DIAPH2: variants seen among roughly 807,000 people sequenced by gnomAD.
DIAPH2 encodes the protein diaphanous related formin 2, also known as protein diaphanous homolog 2.
A neutral mutation model predicts 92.7 loss-of-function variants in DIAPH2; 35 were observed. That is an observed-to-expected ratio of 0.38 (90% CI 0.29 to 0.50). The LOEUF is 0.50. Ranked by LOEUF, DIAPH2 falls within the 20% of genes least tolerant of loss-of-function variation. The probability of loss-of-function intolerance (pLI) is 0.94; values close to 1 mark genes in which losing one functional copy is unlikely to be tolerated. For synonymous variants in DIAPH2, 301 were observed against 280.4 expected (o/e 1.07, Z -0.73); for missense variants, 701 against 819.5 (o/e 0.86, Z 1.77).
chrX:97,595,289 A>G lies in DIAPH2; in HGVS notation c.3242-3964A>G, dbSNP rs139333902. 9.7e-3 allele frequency among the ~76,000 whole-genome samples: 1,090 copies of G among 112,565 alleles called. 9 individuals carry two copies. The highest frequency in any genetic ancestry group is 0.034 in the African/African-American group (1,042 of 31,020). On this transcript the variant is annotated intron_variant, in intron 26 of 26. Transcript: ENST00000324765. ...TTGCATGAATGAATTCTGAAGCAAT[A>G]CTATAATGGGTTTAGTCCATTTACT... is the stretch of plus-strand genomic sequence containing the variant.
chrX:96,914,588 C>T (rs1421725459), intron 7 of DIAPH2, among the ~76,000 whole-genome samples: 1 of 110,363 alleles, frequency 9.1e-6, no homozygotes, highest in Non-Finnish European at 1.9e-5. Context: ...TGTCAATTGT[C>T]GTGGCTTTTC....
intron 17 of DIAPH2, among the ~76,000 whole-genome samples, chrX:97,031,060 A>G (rs982777927): frequency 2.7e-5 from 3 of 111,560 alleles, no homozygotes; most frequent in East Asian, 5.7e-4. Context: ...ATTAGTTGTT[A>G]CTTCTTTTAC....
chrX:97,514,349 T>G (rs1331138433), intron 26 of DIAPH2, among the ~76,000 whole-genome samples: 1 of 112,247 alleles, frequency 8.9e-6, no homozygotes, highest in African/African-American at 3.2e-5. Flanking sequence ...GAGCCTTGGT[T>G]TTCAGCTCCA....
chrX:97,183,009 C>T (rs957239775), intron 22 of DIAPH2, among the ~76,000 whole-genome samples: 1 of 111,511 alleles, frequency 9.0e-6, no homozygotes, highest in Admixed American at 9.6e-5. Context: ...GTGAATACCT[C>T]ATTTAAATAT....
At chrX:97,304,344 A>G (rs1487035219) in intron 23 of DIAPH2, among the ~76,000 whole-genome samples, 2 of 112,376 alleles carry the variant, frequency 1.8e-5, no homozygotes, top group African/African-American at 6.5e-5. Flanking sequence ...AACAACAGTA[A>G]TAGTTGATCT....
chrX:97,081,700 A>G (rs1286416465), intron 19 of DIAPH2: 1 of 109,954 alleles, frequency 9.1e-6, no homozygotes, highest in African/African-American at 3.3e-5. Context: ...CACGCCTGTA[A>G]TCCCAGCTAC....
At position 96,818,245 on chromosome X, in the gene DIAPH2, T is replaced by C. The variant is rs753125054; in HGVS notation, c.447+59987T>C. ...CAGCCCACCTCGGCCTCCCAAAGTG[T>C]TGGGATTACAGGTGTGAGCCGCGGT... On this transcript the variant is annotated intron_variant, in intron 4 of 26. Coordinates refer to ENST00000324765, the MANE Select transcript of DIAPH2 (RefSeq NM_006729.5). Among the ~76,000 whole-genome samples the C allele has an allele frequency of 1.6e-3, 175 of 109,345 alleles. 1 individual carries two copies. The highest frequency in any genetic ancestry group is 2.9e-3 in the Non-Finnish European group (150 of 52,538). The allele number at this position is 109,345 out of a possible 115,157, so 95.0% of individuals were successfully genotyped here.
chrX:96,803,809 G>C (rs2064602562), intron 4 of DIAPH2, among the ~76,000 whole-genome samples: 1 of 111,963 alleles, frequency 8.9e-6, no homozygotes, highest in African/African-American at 3.3e-5. Flanking sequence ...GGAGGCTGAG[G>C]CGGGCAGATC....
At chrX:97,388,876 A>G (rs2069626545) in intron 25 of DIAPH2, among the ~76,000 whole-genome samples, 1 of 111,824 alleles carries the variant, frequency 8.9e-6, no homozygotes, top group African/African-American at 3.3e-5. Context: ...AAAAAGAATT[A>G]GAAGAGAAAA....
At chrX:97,157,356 A>T (rs2067332037) in intron 22 of DIAPH2, among the ~76,000 whole-genome samples, 1 of 109,116 alleles carries the variant, frequency 9.2e-6, no homozygotes, top group African/African-American at 3.3e-5. Context: ...AATAATAATG[A>T]TTATAATAAT....
chrX:96,873,022 C>G (rs1056220501), intron 4 of DIAPH2, among the ~76,000 whole-genome samples: 1 of 111,885 alleles, frequency 8.9e-6, no homozygotes, highest in African/African-American at 3.3e-5. Flanking sequence ...AGTGGCTATA[C>G]TAGTTTACAT....
intron 24 of DIAPH2, among the ~76,000 whole-genome samples, chrX:97,372,062 C>T (rs750656593): frequency 6.2e-5 from 7 of 112,536 alleles, no homozygotes; most frequent in Non-Finnish European, 1.3e-4. Flanking sequence ...CAGAAACCTG[C>T]AGCATTAGAA....
intron 15 of DIAPH2, among the ~76,000 whole-genome samples, chrX:96,951,334 G>A (rs768888670): frequency 2.7e-5 from 3 of 111,574 alleles, no homozygotes; most frequent in Non-Finnish European, 3.8e-5. Context: ...CTCCATTAGC[G>A]AATTTCTCCG....
At chrX:97,280,605 G>A (rs1476264896) in intron 23 of DIAPH2, among the ~76,000 whole-genome samples, 1 of 111,552 alleles carries the variant, frequency 9.0e-6, no homozygotes, top group African/African-American at 3.3e-5. Flanking sequence ...ATGAAAACCT[G>A]GTACTAAAAT....
intron 4 of DIAPH2, among the ~76,000 whole-genome samples, chrX:96,801,396 G>A (rs566777324): frequency 8.9e-6 from 1 of 112,072 alleles, no homozygotes; most frequent in South Asian, 3.7e-4. Context: ...AGCTTAAGGG[G>A]ACGGTTAAGA....
intron 22 of DIAPH2, among the ~76,000 whole-genome samples, chrX:97,145,319 A>AGTAGTAGTAGTAGTG (rs1177866546): frequency 9.3e-6 from 1 of 107,518 alleles, no homozygotes; most frequent in East Asian, 2.9e-4. Flanking sequence ...TAGTAGTAGT[A>AGTAGTAGTAGTAGTG]GTAGTGGTAG....
rs2065505520 is a variant in DIAPH2, at chrX:96,916,466, A to T, written c.761A>T (p.Glu254Val). 2 of 1,178,837 alleles carry T rather than the reference A, an allele frequency of 1.7e-6. No individual in the cohort carries two copies. The highest frequency in any genetic ancestry group is 3.8e-5 in the South Asian group (2 of 52,236). ...KFGLQRILGD[E>V]RSLLLLARAI... Reference sequence around the variant, plus strand: ...GGATTACAAAGGATTCTAGGAGATGAAAGAAGTCTTTTACTATTGGCAAGA... The same window carrying T: ...GGATTACAAAGGATTCTAGGAGATGTAAGAAGTCTTTTACTATTGGCAAGA... The change falls in exon 8 of 27, where the codon GAA becomes GTA. Residue 254 changes from glutamate to valine, a missense_variant. Physicochemically the swap from Glu to Val is moderately radical, Grantham distance 121. This residue lies in a region of DIAPH2 where 34 missense variants were observed against 74.7 expected (regional missense o/e 0.46). Coordinates refer to ENST00000324765, the MANE Select transcript of DIAPH2 (RefSeq NM_006729.5).
chrX:97,547,514 CAT>C (rs2071190494), intron 26 of DIAPH2, among the ~76,000 whole-genome samples: 1 of 112,028 alleles, frequency 8.9e-6, no homozygotes, highest in Admixed American at 9.4e-5. Flanking sequence ...ATCAAACAGA[CAT>C]AATAAAAACC....
At chrX:97,369,864 G>C (rs898958340) in intron 24 of DIAPH2, among the ~76,000 whole-genome samples, 13 of 111,633 alleles carry the variant, frequency 1.2e-4, no homozygotes, top group African/African-American at 4.2e-4. Flanking sequence ...AAATCTCTCT[G>C]TTCACTAGGA....
Sources: gnomAD v4.1 joint callset for allele counts (sites outside exome capture counted in the v4.1 genomes callset) on GRCh38, gnomAD v4.1.1 for gene constraint, gnomAD v4.1.1 regional missense constraint, MANE v1.5 for transcripts, NCBI Gene and HGNC (gene_info 2026-07-23, HGNC 2026-07-21) for gene names.